Variants in CD81 observed in about 807,000 individuals in gnomAD.
CD81 encodes the protein CD81 molecule.
CD81 carries 10 observed loss-of-function variants against 30.1 expected under a neutral mutation model. That is an observed-to-expected ratio of 0.33 (90% CI 0.21 to 0.56). The LOEUF (loss-of-function observed/expected upper bound fraction) is 0.56, where lower values mean the gene tolerates loss of function less well. CD81 is among the 20% of genes least tolerant of loss of function. The pLI is 0.89. For missense variants in CD81, 263 were observed against 308.7 expected, an observed-to-expected ratio of 0.85 and a Z score of 1.11; for synonymous variants, 147 against 126.4, an observed-to-expected ratio of 1.16 and a Z score of -1.10.
At chr11:2,386,878 A>G (rs1055587100) in intron 1 of CD81, among the ~76,000 whole-genome samples, 3 of 152,160 alleles carry the variant, frequency 2.0e-5, no homozygotes, top group Non-Finnish European at 4.4e-5. Flanking sequence ...GCAGGCCAGG[A>G]CCAGCCTTCC....
chr11:2,387,481 C>T (rs1031783429), intron 1 of CD81, among the ~76,000 whole-genome samples: 6 of 152,244 alleles, frequency 3.9e-5, no homozygotes, highest in African/African-American at 7.2e-5. Context: ...CGCCAGGCTG[C>T]ATCTGGAGCC....
intron 2 of CD81, chr11:2,390,980 G>A (rs1026944256): frequency 3.3e-5 from 9 of 270,520 alleles, no homozygotes; most frequent in East Asian, 9.4e-5. Context: ...CCCCAGAGGC[G>A]GTGTGACTCA....
Position 2,387,020 on chromosome 11 carries a change from T to G in CD81, c.67-3392T>G, listed in dbSNP as rs553791759. ...TGCAACGTGGCCTGAAGTCCCACCA[T>G]TAGCAGGTTTGGGGTTTAGGCTGAG... On this transcript the variant is annotated intron_variant, in intron 1 of 7. Transcript: ENST00000263645. Among the ~76,000 whole-genome samples the G allele has an allele frequency of 5.9e-5, 9 of 152,352 alleles. No individual in the cohort carries two copies. In the South Asian group the frequency reaches 1.2e-3, roughly 21 times the overall value.
chr11:2,394,470 G>A (rs1286444980), intron 3 of CD81, among the ~76,000 whole-genome samples: 1 of 152,202 alleles, frequency 6.6e-6, no homozygotes, highest in Non-Finnish European at 1.5e-5. Flanking sequence ...CGGCGTCCCG[G>A]GCACACCGCC....
At chr11:2,389,438 G>A (rs1849856412) in intron 1 of CD81, among the ~76,000 whole-genome samples, 1 of 152,164 alleles carries the variant, frequency 6.6e-6, no homozygotes, top group Non-Finnish European at 1.5e-5. Flanking sequence ...GTGCAGAGGG[G>A]GGCCTGGGGC....
intron 1 of CD81, among the ~76,000 whole-genome samples, chr11:2,379,383 G>T (rs533303602): frequency 1.5e-5 from 2 of 136,332 alleles, no homozygotes; most frequent in Non-Finnish European, 3.2e-5. Context: ...AGGCCTGGGG[G>T]TGGGGGCTGA....
chr11:2,390,216 C>A (rs1001847007), intron 1 of CD81, 196 bp from the exon 2 acceptor site: 3 of 653,006 alleles, frequency 4.6e-6, no homozygotes, highest in African/African-American at 1.8e-5. Context: ...AAGTAGATGG[C>A]GGCCAAAGCA....
intron 1 of CD81, chr11:2,389,952 T>C (rs1303537660): frequency 1.3e-5 from 4 of 318,080 alleles, no homozygotes; most frequent in Non-Finnish European, 2.5e-5. Flanking sequence ...GGGGCAGTGT[T>C]CCTGGGATGC....
chr11:2,397,325 A>G lies in CD81; in HGVS notation c.*459A>G. ...TGCCTTCATGCACCTGTCCTTTCTA[A>G]CACGTCGCCTTCAACTGTAATCACA... On this transcript the variant is annotated 3_prime_UTR_variant, in exon 8 of 8. Coordinates refer to ENST00000263645, the MANE Select transcript of CD81 (RefSeq NM_004356.4). 1 of 222,558 alleles carries G rather than the reference A, an allele frequency of 4.5e-6. No individual in the cohort carries two copies. Among genetic ancestry groups the G allele is most frequent in the South Asian group, 5.8e-5 (1 of 17,160 alleles). The allele number at this position is 222,558 out of a possible 1,614,324, so 13.8% of individuals were successfully genotyped here. A position where few individuals can be genotyped will look rare whatever the true frequency, so the allele number is the denominator to read the frequency against.
rs762822148 is a variant in CD81, at chr11:2,395,013, C to T, written c.321C>T (p.Ala107=). Reference sequence around the variant, plus strand: ...TCATCCTGTTTGCCTGTGAGGTGGCCGCCGGCATCTGGGGCTTTGTCAACA... The same window carrying T: ...TCATCCTGTTTGCCTGTGAGGTGGCTGCCGGCATCTGGGGCTTTGTCAACA... ...CLVILFACEV[A]AGIWGFVNKD... The change falls in exon 4 of 8, where the codon GCC becomes GCT. Residue 107 remains alanine (A), a synonymous_variant. Transcript: ENST00000263645. 8.7e-6 allele frequency: 14 copies of T among 1,612,582 alleles called. No homozygotes were observed. Among genetic ancestry groups the T allele is most frequent in the South Asian group, 3.3e-5 (3 of 91,062 alleles).
chr11:2,388,939 C>G (rs1462193254), intron 1 of CD81, among the ~76,000 whole-genome samples: 1 of 152,142 alleles, frequency 6.6e-6, no homozygotes, highest in African/African-American at 2.4e-5. Context: ...TGGGTGATCC[C>G]TGCCTGAGGG....
intron 1 of CD81, among the ~76,000 whole-genome samples, chr11:2,383,195 C>G (rs981027415): frequency 6.6e-6 from 1 of 152,206 alleles, no homozygotes. Flanking sequence ...GCTTCCTGGC[C>G]TAGGAGAGAA....
chr11:2,394,318 C>G (rs1319284800), intron 3 of CD81, 126 bp downstream of exon 3: 1 of 637,136 alleles, frequency 1.6e-6, no homozygotes, highest in African/African-American at 1.8e-5. Context: ...GGCTCCTGTG[C>G]CCTGCTTTTC....
rs772392727 is a variant in CD81 at position 2,395,059 on chromosome 11, G to A, written c.354+13G>A. On this transcript the variant is annotated intron_variant, in intron 4 of 7. Coordinates refer to ENST00000263645, the MANE Select transcript of CD81 (RefSeq NM_004356.4). ...CAACAAGGACCAGGTGAGCCTGGGT[G>A]TGCAGGGACAGGGTGGGGTGGGTGA... is the stretch of plus-strand genomic sequence containing the variant. 15 of 1,608,618 alleles carry A rather than the reference G, an allele frequency of 9.3e-6. No homozygotes were observed. In the Admixed American group the frequency reaches 1.7e-4, roughly 18 times the overall value.
In CD81 at chr11:2,390,239, T is replaced by C. The variant is rs573076484; in HGVS notation, c.67-173T>C. ...GGCGGCCAAAGCACCCGCCCCATGC[T>C]CCTGACTCCCGGGGCTCTTCAGGGC... On this transcript the variant is annotated intron_variant, in intron 1 of 7. Transcript: ENST00000263645. 23 of 686,820 alleles carry C rather than the reference T, an allele frequency of 3.3e-5. No individual in the cohort carries two copies. In the African/African-American group the frequency reaches 3.5e-4, roughly 10 times the overall value. The allele number at this position is 686,820 out of a possible 1,614,324, so 42.5% of individuals were successfully genotyped here.
chr11:2,382,744 AC>A (rs1849725372), intron 1 of CD81, among the ~76,000 whole-genome samples: 1 of 152,200 alleles, frequency 6.6e-6, no homozygotes, highest in Non-Finnish European at 1.5e-5. Flanking sequence ...CAAAGCTCAA[AC>A]CCAGGTAACA....
Position 2,377,886 on chromosome 11 carries a change from G to A in CD81, c.66+271G>A. On this transcript the variant is annotated intron_variant, in intron 1 of 7. Transcript: ENST00000263645. This position sits in a 1 kb window ranked among gnomAD's most constrained non-coding sequence, Gnocchi z 7.7. ...CGGGGCTTCTGGGGGCCGCCGGGCA[G>A]TTCCCGCTGTGGTGGTGATGGGTGC... 4.7e-6 allele frequency: 1 copy of A among 214,712 alleles called. No individual in the cohort carries two copies. The highest frequency in any genetic ancestry group is 9.3e-6 in the Non-Finnish European group (1 of 107,678). The allele number at this position is 214,712 out of a possible 1,614,324, so 13.3% of individuals were successfully genotyped here.
intron 1 of CD81, chr11:2,385,760 C>T (rs1346128721): frequency 1.8e-6 from 1 of 543,906 alleles, no homozygotes; most frequent in Non-Finnish European, 3.5e-6. Flanking sequence ...CAGGGTTGCA[C>T]CCACATGTGC....
At chr11:2,394,250 G>A (rs1849957619) in intron 3 of CD81, 58 bp downstream of exon 3, 5 of 1,186,764 alleles carry the variant, frequency 4.2e-6, no homozygotes, top group Non-Finnish European at 6.2e-6. Flanking sequence ...GCTGCGTCTG[G>A]CCCTGAGGAG....
Sources: gnomAD v4.1 joint callset for allele counts (sites outside exome capture counted in the v4.1 genomes callset) on GRCh38, gnomAD v4.1.1 for gene constraint, Gnocchi (gnomAD v3.1) non-coding constraint, MANE v1.5 for transcripts, NCBI Gene and HGNC (gene_info 2026-07-23, HGNC 2026-07-21) for gene names.